The following LRP1B variants were observed in gnomAD, a reference collection of about 807,000 sequenced individuals.
The protein encoded by LRP1B is LDL receptor related protein 1B.
LRP1B carries 217 observed loss-of-function variants against 556.6 expected under a neutral mutation model. That is an observed-to-expected ratio of 0.39 (90% CI 0.35 to 0.44). The LOEUF (loss-of-function observed/expected upper bound fraction) is 0.44, where lower values mean the gene tolerates loss of function less well. LRP1B is among the 20% of genes least tolerant of loss of function. LRP1B has a pLI of 1.00. For synonymous variants in LRP1B, 2,047 were observed against 1,865.8 expected (o/e 1.10, Z -2.50); for missense variants, 5,053 against 5,620.8 (o/e 0.90, Z 3.23).
At chr2:140,781,154 G>C in intron 32 of LRP1B, among the ~76,000 whole-genome samples, 1 of 152,130 alleles carries the variant, frequency 6.6e-6, no homozygotes, top group East Asian at 1.9e-4. Context: ...CAGATACAAA[G>C]AACCACGGCC....
intron 53 of LRP1B, among the ~76,000 whole-genome samples, chr2:140,504,831 T>C (rs13005909): frequency 6.6e-6 from 1 of 152,160 alleles, no homozygotes; most frequent in African/African-American, 2.4e-5. Flanking sequence ...ATCAGAACTA[T>C]CACAATAACC....
chr2:140,960,940 C>A (rs1450154698), intron 18 of LRP1B, among the ~76,000 whole-genome samples: 1 of 151,742 alleles, frequency 6.6e-6, no homozygotes, highest in Non-Finnish European at 1.5e-5. Context: ...TAAGATCAGC[C>A]TGACATTAAC....
intron 1 of LRP1B, among the ~76,000 whole-genome samples, chr2:142,037,802 ATTT>A (rs377767123): frequency 0.044 from 6,595 of 151,478 alleles, 225 homozygotes; most frequent in Non-Finnish European, 0.059. Context: ...TACCCTAAAC[ATTT>A]TTTTTAAGAG....
chr2:140,291,318 A>ATATATAT (rs369391920), intron 84 of LRP1B, among the ~76,000 whole-genome samples: 2 of 109,332 alleles, frequency 1.8e-5, no homozygotes, highest in Non-Finnish European at 4.0e-5. Flanking sequence ...ATATATATAT[A>ATATATAT]TTTTTATTAT....
At chr2:141,392,974 C>T (rs1260797853) in intron 3 of LRP1B, among the ~76,000 whole-genome samples, 2 of 152,166 alleles carry the variant, frequency 1.3e-5, no homozygotes, top group African/African-American at 4.8e-5. Context: ...AGGTTCAGAT[C>T]TTTCAGCGCA....
At chr2:140,765,911 C>G (rs968557654) in intron 35 of LRP1B, among the ~76,000 whole-genome samples, 1 of 151,896 alleles carries the variant, frequency 6.6e-6, no homozygotes, top group Non-Finnish European at 1.5e-5. Flanking sequence ...GAGGCTAATG[C>G]TAAATGACGA....
chr2:141,915,637 A>G (rs1419626799), intron 1 of LRP1B, among the ~76,000 whole-genome samples: 1 of 152,196 alleles, frequency 6.6e-6, no homozygotes, highest in Non-Finnish European at 1.5e-5. Context: ...TATCAACAGA[A>G]GAAACAGACC....
rs199719207 is a variant in LRP1B, at chr2:140,601,535, G to A, written c.6904C>T (p.Arg2302Trp). The change falls in exon 42 of 91, where the codon CGG becomes TGG. Residue 2302 changes from arginine to tryptophan, a missense_variant. By Grantham distance (101) the Arg-to-Trp change is moderately radical (BLOSUM62 -3). Transcript: ENST00000389484. ...SITRHTVDQT[R>W]PGAFDREAVI... is the part of the protein sequence containing the mutation. Reference sequence around the variant, plus strand: ...GCTTCCCTGTCAAATGCTCCAGGCCGAGTCTGGTCCACAGTGTGTCTGGTG... The same window carrying A: ...GCTTCCCTGTCAAATGCTCCAGGCCAAGTCTGGTCCACAGTGTGTCTGGTG... 6.8e-6 allele frequency: 11 copies of A among 1,613,164 alleles called. No homozygotes were observed. Among genetic ancestry groups the A allele is most frequent in the Admixed American group, 5.0e-5 (3 of 59,842 alleles).
intron 43 of LRP1B, among the ~76,000 whole-genome samples, chr2:140,580,705 C>T (rs116394580): frequency 0.014 from 2,136 of 152,276 alleles, 21 homozygotes; most frequent in Middle Eastern, 0.034. Context: ...AAACTACAGA[C>T]TGAATTATCA....
chr2:142,083,453 A>G (rs1166301684), intron 1 of LRP1B, among the ~76,000 whole-genome samples: 1 of 152,208 alleles, frequency 6.6e-6, no homozygotes, highest in Non-Finnish European at 1.5e-5. Flanking sequence ...GGAATGCAGA[A>G]TGTTTTATTG....
At chr2:141,890,463 C>T (rs570049441) in intron 1 of LRP1B, among the ~76,000 whole-genome samples, 16 of 149,636 alleles carry the variant, frequency 1.1e-4, no homozygotes, top group Non-Finnish European at 2.4e-4. Context: ...AAAAAAATGT[C>T]CTATTGAATA....
chr2:140,270,190 T>G (rs957032484), intron 86 of LRP1B, 52 bp downstream of exon 86: 1 of 1,248,040 alleles, frequency 8.0e-7, no homozygotes, highest in Non-Finnish European at 1.2e-6. Flanking sequence ...AGGGATTTCA[T>G]GTACATACAA....
At chr2:140,761,115 G>A (rs1291756714) in intron 35 of LRP1B, among the ~76,000 whole-genome samples, 1 of 152,040 alleles carries the variant, frequency 6.6e-6, no homozygotes, top group Non-Finnish European at 1.5e-5. Flanking sequence ...TTTAATTTCT[G>A]CCTAAAGGAC....
intron 49 of LRP1B, among the ~76,000 whole-genome samples, chr2:140,524,959 T>C (rs1055584554): frequency 1.3e-5 from 2 of 151,876 alleles, no homozygotes; most frequent in Non-Finnish European, 2.9e-5. Flanking sequence ...ATTTAAACAA[T>C]TATATACATG....
intron 3 of LRP1B, among the ~76,000 whole-genome samples, chr2:141,381,261 G>C (rs952973216): frequency 2.6e-5 from 4 of 151,308 alleles, no homozygotes; most frequent in African/African-American, 9.7e-5. Flanking sequence ...TGAAATCACT[G>C]AACTAAAAAC....
At chr2:141,936,724 G>A (rs1037863122) in intron 1 of LRP1B, among the ~76,000 whole-genome samples, 1 of 152,024 alleles carries the variant, frequency 6.6e-6, no homozygotes, top group African/African-American at 2.4e-5. Context: ...GACTCTTAAG[G>A]TGCAGTTTCA....
At chr2:141,768,519 G>A (rs1194839484) in intron 2 of LRP1B, among the ~76,000 whole-genome samples, 1 of 151,990 alleles carries the variant, frequency 6.6e-6, no homozygotes, top group African/African-American at 2.4e-5. Flanking sequence ...CCCAGTGGTT[G>A]GGAAATAAGG....
At chr2:141,528,437 T>G (rs1684763002) in intron 2 of LRP1B, among the ~76,000 whole-genome samples, 1 of 152,052 alleles carries the variant, frequency 6.6e-6, no homozygotes, top group Non-Finnish European at 1.5e-5. Context: ...TATGTTTAAA[T>G]GTATACTTAA....
chr2:141,546,576 A>G (rs1341490824), intron 2 of LRP1B, among the ~76,000 whole-genome samples: 1 of 152,110 alleles, frequency 6.6e-6, no homozygotes, highest in African/African-American at 2.4e-5. Context: ...TATTCAGCCA[A>G]CCTAAACACG....
Sources: gnomAD v4.1 joint callset for allele counts (sites outside exome capture counted in the v4.1 genomes callset) on GRCh38, gnomAD v4.1.1 for gene constraint, MANE v1.5 for transcripts, NCBI Gene and HGNC (gene_info 2026-07-23, HGNC 2026-07-21) for gene names.